The following EXT2 variants were observed in gnomAD, a reference collection of about 807,000 sequenced individuals.
The protein encoded by EXT2 is exostosin glycosyltransferase 2, also known as exostosin-2.
EXT2 carries 53 observed loss-of-function variants against 81.6 expected under a neutral mutation model. The observed-to-expected ratio is 0.65, with a 90% CI of 0.52 to 0.82. The LOEUF is 0.82. Among genes scored for constraint, EXT2 ranks in the 40% least tolerant of loss-of-function variants. The probability of loss-of-function intolerance (pLI) is 0.00; values close to 1 mark genes in which losing one functional copy is unlikely to be tolerated. For synonymous variants in EXT2, 320 were observed against 340.0 expected (o/e 0.94, Z 0.65); for missense variants, 774 against 910.2 (o/e 0.85, Z 1.93).
chr11:44,233,149 A>G (rs113109119), intron 11 of EXT2, among the ~76,000 whole-genome samples: 5 of 152,168 alleles, frequency 3.3e-5, no homozygotes, highest in African/African-American at 1.2e-4. Flanking sequence ...ATATATACAC[A>G]TATACATATA....
intron 8 of EXT2, among the ~76,000 whole-genome samples, chr11:44,197,452 G>C (rs932497799): frequency 6.6e-6 from 1 of 151,936 alleles, no homozygotes; most frequent in Non-Finnish European, 1.5e-5. Flanking sequence ...CAAAAATATC[G>C]TAATAGGCCC....
At position 44,249,445 on chromosome 11, in the gene EXT2, T is replaced by C. The variant is rs114371666; in HGVS notation, c.*5158T>C. On this transcript the variant is annotated 3_prime_UTR_variant, in exon 14 of 14. Coordinates refer to ENST00000533608, the MANE Select transcript of EXT2 (RefSeq NM_207122.2). ...CCAGGCAGCTGTGTCTGCTAGAGGC[T>C]TCCTCAGCAAAGCCCCATCTTGTGG... 4.8e-3 allele frequency among the ~76,000 whole-genome samples: 736 copies of C among 152,354 alleles called. 11 individuals carry two copies. Among genetic ancestry groups the C allele is most frequent in the African/African-American group, 0.017 (715 of 41,584 alleles).
chr11:44,150,324 A>G (rs955012103), intron 7 of EXT2, among the ~76,000 whole-genome samples: 8 of 152,114 alleles, frequency 5.3e-5, no homozygotes, highest in Non-Finnish European at 7.3e-5. Flanking sequence ...TTTTCACTAC[A>G]TATGTGCCAA....
intron 8 of EXT2, among the ~76,000 whole-genome samples, chr11:44,172,797 C>T (rs530257057): frequency 1.3e-5 from 2 of 152,210 alleles, no homozygotes; most frequent in East Asian, 3.9e-4. Context: ...TGGTCTCGAA[C>T]GCCTGACCTC....
chr11:44,204,973 G>T (rs186972257), intron 9 of EXT2, among the ~76,000 whole-genome samples: 3 of 152,322 alleles, frequency 2.0e-5, no homozygotes, highest in Non-Finnish European at 4.4e-5. Flanking sequence ...AAGGATGATT[G>T]CTGGAGAAAG....
At chr11:44,174,254 C>A (rs1955123936) in intron 8 of EXT2, among the ~76,000 whole-genome samples, 2 of 151,970 alleles carry the variant, frequency 1.3e-5, no homozygotes, top group African/African-American at 4.8e-5. Context: ...TTTATTTGTT[C>A]AGTTGGTATT....
At chr11:44,127,550 C>A (rs1300887148) in intron 6 of EXT2, among the ~76,000 whole-genome samples, 2 of 152,314 alleles carry the variant, frequency 1.3e-5, no homozygotes, top group African/African-American at 4.8e-5. Context: ...CAAACGATTC[C>A]CTGCCAAACC....
rs1472213374 is a variant in EXT2 at position 44,250,902 on chromosome 11, G to A, written c.*6615G>A. On this transcript the variant is annotated 3_prime_UTR_variant, in exon 14 of 14. Coordinates refer to ENST00000533608, the MANE Select transcript of EXT2 (RefSeq NM_207122.2). Reference sequence around the variant, plus strand: ...GTAAAGTTATGTTTCTCATTAAGGGGATAACAGCCACAATTGAGGTAATTA... The same window carrying A: ...GTAAAGTTATGTTTCTCATTAAGGGAATAACAGCCACAATTGAGGTAATTA... Among the ~76,000 whole-genome samples, 1 of 152,170 alleles carries A rather than the reference G, an allele frequency of 6.6e-6. No individual in the cohort carries two copies. The highest frequency in any genetic ancestry group is 1.5e-5 in the Non-Finnish European group (1 of 68,036).
At chr11:44,193,403 C>A (rs961127543) in intron 8 of EXT2, among the ~76,000 whole-genome samples, 32 of 152,256 alleles carry the variant, frequency 2.1e-4, no homozygotes, top group African/African-American at 7.5e-4. Flanking sequence ...CATGACAGTA[C>A]CTTACATATA....
At chr11:44,215,442 AC>A (rs1955706321) in intron 10 of EXT2, among the ~76,000 whole-genome samples, 1 of 152,158 alleles carries the variant, frequency 6.6e-6, no homozygotes, top group Non-Finnish European at 1.5e-5. Flanking sequence ...GTTTGATTCT[AC>A]TGTGGTCAGA....
chr11:44,192,548 T>C (rs144036518), intron 8 of EXT2, among the ~76,000 whole-genome samples: 43 of 152,292 alleles, frequency 2.8e-4, no homozygotes, highest in African/African-American at 1.0e-3. Context: ...AGTGTTTTAG[T>C]AGGCAAGATG....
intron 8 of EXT2, among the ~76,000 whole-genome samples, chr11:44,192,528 C>A (rs1350967504): frequency 1.3e-5 from 2 of 152,124 alleles, no homozygotes; most frequent in East Asian, 3.9e-4. Context: ...ATTGCTGAAT[C>A]ACCAATACCA....
intron 8 of EXT2, among the ~76,000 whole-genome samples, chr11:44,182,205 C>G (rs1955245502): frequency 6.6e-6 from 1 of 152,062 alleles, no homozygotes; most frequent in South Asian, 2.1e-4. Flanking sequence ...AGTCCGGAAT[C>G]TCCCTCAATC....
intron 10 of EXT2, among the ~76,000 whole-genome samples, chr11:44,208,493 C>T (rs192096615): frequency 9.3e-4 from 141 of 152,252 alleles, no homozygotes; most frequent in African/African-American, 3.2e-3. Context: ...GGACTGAGCT[C>T]GAATCTTTAC....
Position 44,126,960 on chromosome 11 carries a change from G to T in EXT2, c.1079+5G>T, listed in dbSNP as rs773025398. On this transcript the variant is annotated splice_donor_5th_base_variant and intron_variant, in intron 6 of 13. Coordinates refer to ENST00000533608, the MANE Select transcript of EXT2 (RefSeq NM_207122.2). ...TGAAGTTCTTGACTGGAAGAGGTGG[G>T]TAGTACCTCCTAGTAAACTCTACAT... The T allele has an allele frequency of 1.2e-6, 2 of 1,613,976 alleles. No homozygotes were observed.
intron 7 of EXT2, among the ~76,000 whole-genome samples, chr11:44,143,571 C>T (rs1013016608): frequency 6.6e-6 from 1 of 152,132 alleles, no homozygotes; most frequent in African/African-American, 2.4e-5. Context: ...TCCCTCTTTT[C>T]AAGAGTCTCA....
intron 7 of EXT2, among the ~76,000 whole-genome samples, chr11:44,138,772 G>C (rs749178638): frequency 5.3e-5 from 8 of 152,160 alleles, no homozygotes; most frequent in Non-Finnish European, 8.8e-5. Flanking sequence ...GCTCTGCCGG[G>C]TGTGTACCAG....
chr11:44,217,755 C>T (rs1385892785), intron 10 of EXT2, among the ~76,000 whole-genome samples: 2 of 152,046 alleles, frequency 1.3e-5, no homozygotes, highest in African/African-American at 4.8e-5. Flanking sequence ...ACTTATTCCT[C>T]CTCCCCTCCT....
chr11:44,233,663 ATTGT>A (rs1338470884), intron 11 of EXT2, among the ~76,000 whole-genome samples: 2 of 152,036 alleles, frequency 1.3e-5, no homozygotes, highest in Non-Finnish European at 1.5e-5. Context: ...ATTCATATCG[ATTGT>A]TTGTTGTTAG....
Sources: gnomAD v4.1 joint callset for allele counts (sites outside exome capture counted in the v4.1 genomes callset) on GRCh38, gnomAD v4.1.1 for gene constraint, MANE v1.5 for transcripts, NCBI Gene and HGNC (gene_info 2026-07-23, HGNC 2026-07-21) for gene names.